GSG1: variants seen among roughly 807,000 people sequenced by gnomAD.
GSG1 encodes germ cell associated 1.
GSG1 carries 28 observed loss-of-function variants against 30.8 expected under a neutral mutation model. That is an observed-to-expected ratio of 0.91 (90% CI 0.67 to 1.25). GSG1 has a LOEUF of 1.25. Ranked by LOEUF, GSG1 falls within the 50% of genes most tolerant of loss-of-function variation. GSG1 has a pLI of 0.00. For missense variants in GSG1, 435 were observed against 444.7 expected (o/e 0.98, Z 0.20); for synonymous variants, 162 against 178.0 (o/e 0.91, Z 0.71).
At chr12:13,097,599 C>T (rs188482286) in intron 1 of GSG1, among the ~76,000 whole-genome samples, 102 of 152,302 alleles carry the variant, frequency 6.7e-4, no homozygotes, top group African/African-American at 2.2e-3. Context: ...TTAGAGCAGT[C>T]GTTCTCAGTT....
chr12:13,095,001 C>A (rs538645888), intron 1 of GSG1, among the ~76,000 whole-genome samples: 33 of 152,234 alleles, frequency 2.2e-4, no homozygotes, highest in African/African-American at 7.9e-4. Flanking sequence ...ATTTGAGAAA[C>A]AAAGAATAAA....
Position 13,083,738 on chromosome 12 carries a change from A to G in GSG1, c.*1163T>C, listed in dbSNP as rs1281228480. 1.6e-5 allele frequency: 2 copies of G among 127,622 alleles called. No homozygotes were observed. The highest frequency in any genetic ancestry group is 6.1e-5 in the African/African-American group (2 of 32,754). The allele number at this position is 127,622 out of a possible 1,614,324, so 7.9% of individuals were successfully genotyped here. ...TGTGATGTTCCCCACCCTGTGTCCAAGTGTTTTTATTGTTCAATTCCCACC... is the reference window on the plus strand; with the variant it reads ...TGTGATGTTCCCCACCCTGTGTCCAGGTGTTTTTATTGTTCAATTCCCACC... On this transcript the variant is annotated 3_prime_UTR_variant, in exon 7 of 7. Coordinates refer to ENST00000651961, the MANE Select transcript of GSG1 (RefSeq NM_001080555.4).
intron 2 of GSG1, 98 bp from the exon 3 acceptor site, chr12:13,089,374 T>C (rs1865867772): frequency 2.6e-6 from 4 of 1,532,954 alleles, no homozygotes; most frequent in Non-Finnish European, 2.6e-6. Context: ...GTAGCAGATA[T>C]CAAATTGTTC....
Position 13,087,218 on chromosome 12 carries a change from T to C in GSG1, c.680A>G (p.Gln227Arg). The C allele has an allele frequency of 6.2e-7, 1 of 1,614,164 alleles. No individual in the cohort carries two copies. Among genetic ancestry groups the C allele is most frequent in the Non-Finnish European group, 8.5e-7 (1 of 1,179,982 alleles). ...TTCTGGACCCAAGTTGACAGTCGCTTGGAAGACTTGTGAATACATCATGTG... is the reference window on the plus strand; with the variant it reads ...TTCTGGACCCAAGTTGACAGTCGCTCGGAAGACTTGTGAATACATCATGTG... ...VAHMMYSQVF[Q>R]ATVNLGPEDW... Residue 227 changes from glutamine to arginine, a missense_variant, in exon 6 of 7, where the codon CAA (glutamine) becomes CGA (arginine). Coordinates refer to ENST00000651961, the MANE Select transcript of GSG1 (RefSeq NM_001080555.4).
At position 13,084,910 on chromosome 12, in the gene GSG1, C is replaced by T; in HGVS notation, c.1080G>A (p.Glu360=). 6.5e-7 allele frequency: 1 copy of T among 1,547,882 alleles called. No homozygotes were observed. Among genetic ancestry groups the T allele is most frequent in the Non-Finnish European group, 8.7e-7 (1 of 1,144,650 alleles). ...CAAACCCGCTTAACTCCTAACACTG[C>T]TCTTCCTCTACAGATGACCTAACTG... ...KEAVRSSVEE[E]QC Residue 360 remains glutamate, a synonymous_variant, in exon 7 of 7, where the codon GAG becomes GAA. Transcript: ENST00000651961.
chr12:13,100,331 A>G (rs1444605733), intron 1 of GSG1, among the ~76,000 whole-genome samples: 1 of 152,250 alleles, frequency 6.6e-6, no homozygotes, highest in Non-Finnish European at 1.5e-5. Flanking sequence ...CCCTGGGTCC[A>G]CAGGCACACC....
chr12:13,087,495 C>T (rs1207707995), intron 5 of GSG1, among the ~76,000 whole-genome samples: 1 of 152,170 alleles, frequency 6.6e-6, no homozygotes, highest in Admixed American at 6.5e-5. Flanking sequence ...TGGAAAAAGT[C>T]TGAGTCAAGG....
chr12:13,087,328 G>T (rs1246214120), intron 5 of GSG1, 65 bp from the exon 6 acceptor site: 4 of 1,242,970 alleles, frequency 3.2e-6, no homozygotes, highest in Non-Finnish European at 4.7e-6. Context: ...CCAGGAGTAC[G>T]ATTTTGGATC....
intron 1 of GSG1, among the ~76,000 whole-genome samples, chr12:13,095,324 T>A (rs889612437): frequency 4.6e-5 from 7 of 152,216 alleles, no homozygotes; most frequent in Non-Finnish European, 1.0e-4. Flanking sequence ...TATCTTTGTG[T>A]ATGCAACAGA....
chr12:13,099,756 T>TTTTTG (rs1565551211), intron 1 of GSG1, among the ~76,000 whole-genome samples: 8 of 141,528 alleles, frequency 5.7e-5, no homozygotes, highest in African/African-American at 1.8e-4. Flanking sequence ...TTTTGTTTTT[T>TTTTTG]TTTTTTTTTT....
chr12:13,096,712 T>A (rs115013845), intron 1 of GSG1, among the ~76,000 whole-genome samples: 1 of 152,082 alleles, frequency 6.6e-6, no homozygotes, highest in Non-Finnish European at 1.5e-5. Flanking sequence ...GAAAAAGTAA[T>A]CTAAGAAACC....
chr12:13,084,913 T>C lies in GSG1; in HGVS notation c.1077A>G (p.Glu359=). The change falls in exon 7 of 7, where the codon GAA becomes GAG. Residue 359 remains glutamate, a synonymous_variant. Coordinates refer to ENST00000651961, the MANE Select transcript of GSG1 (RefSeq NM_001080555.4). ...ACCCGCTTAACTCCTAACACTGCTC[T>C]TCCTCTACAGATGACCTAACTGCTT... The part of the protein sequence containing the change: ...LKEAVRSSVE[E]EQC 3 of 1,549,448 alleles carry C rather than the reference T, an allele frequency of 1.9e-6. No homozygotes were observed. The highest frequency in any genetic ancestry group is 2.6e-6 in the Non-Finnish European group (3 of 1,145,592).
chr12:13,086,571 T>G (rs1865544586), intron 6 of GSG1, among the ~76,000 whole-genome samples: 1 of 152,212 alleles, frequency 6.6e-6, no homozygotes. Context: ...TTGTGATGGT[T>G]GCTGTCGCTC....
Position 13,084,861 on chromosome 12 carries a change from A to G in GSG1, c.*40T>C. The stretch of plus-strand genomic sequence containing the variant: ...ACATGTTGATAATCAGCAGACGTGT[A>G]AGGTAGGGCTCAAGCCTACTCCCCA... On this transcript the variant is annotated 3_prime_UTR_variant, in exon 7 of 7. Transcript: ENST00000651961. The G allele has an allele frequency of 1.5e-6, 2 of 1,323,534 alleles. No homozygotes were observed. Among genetic ancestry groups the G allele is most frequent in the Non-Finnish European group, 2.1e-6 (2 of 961,600 alleles). 82.0% of individuals were successfully genotyped at this position (1,323,534 alleles called of 1,614,324 possible).
chr12:13,087,319 C>T lies in GSG1; in HGVS notation c.635-56G>A. On this transcript the variant is annotated intron_variant, in intron 5 of 6. Transcript: ENST00000651961. ...AGAGAAAGGCTTTCATGCCATCTGC[C>T]AGGAGTACGATTTTGGATCACCCTT... is the stretch of plus-strand genomic sequence containing the variant. 3.7e-6 allele frequency: 5 copies of T among 1,348,006 alleles called. No homozygotes were observed. The South Asian group carries it at 4.7e-5, about 13-fold the overall frequency. 83.5% of individuals were successfully genotyped at this position (1,348,006 alleles called of 1,614,324 possible).
chr12:13,095,463 A>G, intron 1 of GSG1: 1 of 893,028 alleles, frequency 1.1e-6, no homozygotes. Flanking sequence ...ATCAGCATAT[A>G]TTAACAGAGT....
In GSG1 at chr12:13,101,629, G is replaced by A. The variant is rs1291779289; in HGVS notation, c.48+1836C>T. Among the ~76,000 whole-genome samples, 1 of 152,246 alleles carries A rather than the reference G, an allele frequency of 6.6e-6. No individual in the cohort carries two copies. Among genetic ancestry groups the A allele is most frequent in the Non-Finnish European group, 1.5e-5 (1 of 68,034 alleles). ...CCGCCTGGCGAGGCTGCGCGGGAGGGCGGAGAGACTGGGTAGTCGGAGGGA... is the reference window on the plus strand; with the variant it reads ...CCGCCTGGCGAGGCTGCGCGGGAGGACGGAGAGACTGGGTAGTCGGAGGGA... On this transcript the variant is annotated intron_variant, in intron 1 of 6. Coordinates refer to ENST00000651961, the MANE Select transcript of GSG1 (RefSeq NM_001080555.4). The surrounding 1 kb of genome is among the most constrained non-coding windows in gnomAD (Gnocchi z 5.8).
intron 1 of GSG1, among the ~76,000 whole-genome samples, chr12:13,095,102 C>T (rs1866548290): frequency 1.3e-5 from 2 of 152,240 alleles, no homozygotes; most frequent in Non-Finnish European, 2.9e-5. Flanking sequence ...AAATCATCTT[C>T]TTGATATCGA....
chr12:13,102,926 G>C (rs555284834), intron 1 of GSG1, among the ~76,000 whole-genome samples: 70 of 152,382 alleles, frequency 4.6e-4, no homozygotes, highest in African/African-American at 1.6e-3. Context: ...TGGATTCTCT[G>C]AGACGAGAAA....
Sources: allele counts gnomAD v4.1 joint callset (sites outside exome capture counted in the v4.1 genomes callset), GRCh38; gene constraint gnomAD v4.1.1; non-coding constraint Gnocchi (gnomAD v3.1); transcripts MANE v1.5; gene names NCBI Gene and HGNC (gene_info 2026-07-23, HGNC 2026-07-21).